The following ANKUB1 variants were observed in gnomAD, a reference collection of about 807,000 sequenced individuals.
ANKUB1 encodes ankyrin repeat and ubiquitin domain containing 1, also known as protein ANKUB1.
In ANKUB1, 42 loss-of-function variants were observed where a neutral mutation model predicts 49.3. The observed-to-expected ratio is 0.85, with a 90% CI of 0.67 to 1.10. ANKUB1 has a LOEUF of 1.10. Among genes scored for constraint, ANKUB1 ranks in the 50% least tolerant of loss-of-function variants. The pLI is 0.00. For synonymous variants in ANKUB1, 222 were observed against 231.0 expected (o/e 0.96, Z 0.35); for missense variants, 613 against 642.0 (o/e 0.95, Z 0.49).
chr3:149,770,070 T>C (rs1367767934), intron 4 of ANKUB1, among the ~76,000 whole-genome samples: 1 of 152,210 alleles, frequency 6.6e-6, no homozygotes, highest in Non-Finnish European at 1.5e-5. Context: ...ATCCACTTAA[T>C]GACTAGGAAA....
chr3:149,792,388 A>C lies in ANKUB1; in HGVS notation c.-22T>G, dbSNP rs1718399779. ...TCATTGTACAATTACCTTTTCAAAC[A>C]AAAAATATCCAACTTTTTCAAAGAT... is the stretch of plus-strand genomic sequence containing the variant. On this transcript the variant is annotated 5_prime_UTR_variant, in exon 1 of 6. Coordinates refer to ENST00000446160, the MANE Select transcript of ANKUB1 (RefSeq NM_001144960.3). 1 of 1,448,578 alleles carries C rather than the reference A, an allele frequency of 6.9e-7. No individual in the cohort carries two copies. The highest frequency in any genetic ancestry group is 2.8e-5 in the Admixed American group (1 of 35,800). 89.7% of individuals were successfully genotyped at this position (1,448,578 alleles called of 1,614,324 possible).
chr3:149,790,566 GAAGAGTA>G (rs1194855359), intron 2 of ANKUB1, among the ~76,000 whole-genome samples: 1 of 152,190 alleles, frequency 6.6e-6, no homozygotes, highest in Non-Finnish European at 1.5e-5. Flanking sequence ...GCAAGAGGAA[GAAGAGTA>G]AAGAGGGGGC....
At chr3:149,776,276 A>G (rs1178819523) in intron 3 of ANKUB1, among the ~76,000 whole-genome samples, 3 of 152,136 alleles carry the variant, frequency 2.0e-5, no homozygotes, top group South Asian at 2.1e-4. Flanking sequence ...ACAGCTTTCC[A>G]TGTCTCATTT....
chr3:149,769,002 A>G (rs1717201219), intron 4 of ANKUB1, among the ~76,000 whole-genome samples: 1 of 152,228 alleles, frequency 6.6e-6, no homozygotes, highest in South Asian at 2.1e-4. Flanking sequence ...AAAGTAACAA[A>G]GCAACACAGC....
chr3:149,765,546 ATG>A (rs143976276), intron 5 of ANKUB1, among the ~76,000 whole-genome samples: 5 of 149,398 alleles, frequency 3.3e-5, no homozygotes, highest in African/African-American at 1.3e-4. Flanking sequence ...ACACACACAC[ATG>A]CACACACACA....
intron 5 of ANKUB1, among the ~76,000 whole-genome samples, chr3:149,766,403 C>A (rs77568202): frequency 2.0e-5 from 3 of 152,104 alleles, no homozygotes; most frequent in Non-Finnish European, 4.4e-5. Flanking sequence ...TGTCTCCCTC[C>A]CATATTTCAG....
chr3:149,776,254 C>A (rs766653560), intron 3 of ANKUB1, among the ~76,000 whole-genome samples: 25 of 152,172 alleles, frequency 1.6e-4, no homozygotes, highest in Non-Finnish European at 3.4e-4. Context: ...TCCAGTTCTC[C>A]TCCTGACTCT....
chr3:149,790,974 G>A lies in ANKUB1; in HGVS notation c.91-50C>T, dbSNP rs780702928. 2.7e-6 allele frequency: 4 copies of A among 1,499,268 alleles called. No individual in the cohort carries two copies. In the Admixed American group the frequency reaches 8.7e-5, roughly 33 times the overall value. The allele number at this position is 1,499,268 out of a possible 1,614,324, so 92.9% of individuals were successfully genotyped here. A position where few individuals can be genotyped will look rare whatever the true frequency, so the allele number is the denominator to read the frequency against. Reference sequence around the variant, plus strand: ...AAAACAGTACATCCTTACGTTACTAGACCAGAAATGTACTCTCTTTCCCTT... The same window carrying A: ...AAAACAGTACATCCTTACGTTACTAAACCAGAAATGTACTCTCTTTCCCTT... On this transcript the variant is annotated intron_variant, in intron 1 of 5. Transcript: ENST00000446160.
At chr3:149,765,536 A>G (rs1220487379) in intron 5 of ANKUB1, among the ~76,000 whole-genome samples, 2 of 150,638 alleles carry the variant, frequency 1.3e-5, no homozygotes, top group East Asian at 3.9e-4. Flanking sequence ...CTAAAACCAC[A>G]CACACACACA....
chr3:149,790,248 G>T (rs925677857), intron 2 of ANKUB1, among the ~76,000 whole-genome samples: 2 of 152,060 alleles, frequency 1.3e-5, no homozygotes, highest in Admixed American at 6.5e-5. Flanking sequence ...GGTTCTTAAA[G>T]CCCAACCGTG....
intron 2 of ANKUB1, among the ~76,000 whole-genome samples, chr3:149,788,798 A>G (rs962854338): frequency 2.0e-5 from 3 of 151,952 alleles, no homozygotes; most frequent in Non-Finnish European, 4.4e-5. Context: ...TTTTTTTGAG[A>G]CAGAGTCTCA....
chr3:149,790,837 A>T lies in ANKUB1; in HGVS notation c.178T>A (p.Trp60Arg). The stretch of plus-strand genomic sequence containing the variant: ...GATATTCCAACATCAGCAAGACTCC[A>T]ACTGTCCTTTAGAGCAGCTCCAGCA... ...MYAGAALKDS[W>R]SLADVGISFC... The change falls in exon 2 of 6, where the codon TGG becomes AGG. Residue 60 changes from tryptophan to arginine, a missense_variant. By Grantham distance (101) the Trp-to-Arg change is moderately radical. Transcript: ENST00000446160. 1 of 1,552,176 alleles carries T rather than the reference A, an allele frequency of 6.4e-7. No individual in the cohort carries two copies. The highest frequency in any genetic ancestry group is 8.7e-7 in the Non-Finnish European group (1 of 1,147,066).
chr3:149,771,656 T>G (rs1576672086), intron 3 of ANKUB1, among the ~76,000 whole-genome samples: 1 of 152,342 alleles, frequency 6.6e-6, no homozygotes, highest in South Asian at 2.1e-4. Flanking sequence ...TGAAGATTTT[T>G]TTTTCATGCT....
At chr3:149,784,103 C>A (rs372933515) in intron 2 of ANKUB1, among the ~76,000 whole-genome samples, 3 of 152,188 alleles carry the variant, frequency 2.0e-5, no homozygotes, top group African/African-American at 7.2e-5. Context: ...ACAAACTTCT[C>A]TAACTTATCT....
In ANKUB1 at chr3:149,767,431, C is replaced by T; in HGVS notation, c.1231G>A (p.Val411Met). 1 of 1,551,660 alleles carries T rather than the reference C, an allele frequency of 6.4e-7. No individual in the cohort carries two copies. The highest frequency in any genetic ancestry group is 2.4e-5 in the East Asian group (1 of 40,922). Reference protein sequence around the residue: ...RKQALKFHPLVNASSFSELQK... With the variant: ...RKQALKFHPLMNASSFSELQK... ...AATTCAGAGAATGAACTTGCATTCA[C>T]CAGTGGATGAAATTTGAGGGCTTGT... Residue 411 changes from valine to methionine, a missense_variant, in exon 5 of 6, where the codon GTG (valine) becomes ATG (methionine). By Grantham distance (21) the Val-to-Met change is conservative. Transcript: ENST00000446160.
intron 2 of ANKUB1, 145 bp from the exon 3 acceptor site, chr3:149,780,600 G>A: frequency 1.6e-6 from 1 of 643,750 alleles, no homozygotes; most frequent in East Asian, 2.7e-5. Context: ...CTGCCTTCTG[G>A]TCTGAGTCTA....
chr3:149,780,548 C>T (rs558086689), intron 2 of ANKUB1, 93 bp from the exon 3 acceptor site: 25 of 881,282 alleles, frequency 2.8e-5, no homozygotes, highest in African/African-American at 1.7e-4. Flanking sequence ...TCTAGCTCCA[C>T]GACATGGGTG....
chr3:149,785,314 G>T (rs1718043116), intron 2 of ANKUB1, among the ~76,000 whole-genome samples: 2 of 152,112 alleles, frequency 1.3e-5, no homozygotes, highest in African/African-American at 4.8e-5. Context: ...ACAACGTGCA[G>T]GTTTGTTACA....
chr3:149,767,406 A>C lies in ANKUB1; in HGVS notation c.1256T>G (p.Leu419Ter). The C allele has an allele frequency of 6.4e-7, 1 of 1,551,668 alleles. No individual in the cohort carries two copies. Among genetic ancestry groups the C allele is most frequent in the Non-Finnish European group, 8.7e-7 (1 of 1,146,982 alleles). ...CTGATTTTGTTGTTGATGTTTTTGT[A>C]ATTCAGAGAATGAACTTGCATTCAC... ...PLVNASSFSE[L>*]QKHQQQNQKK... Residue 419 changes from leucine (L) to a stop codon, truncating the protein, a stop_gained, in exon 5 of 6, where the codon TTA (leucine) becomes TGA (stop). Coordinates refer to ENST00000446160, the MANE Select transcript of ANKUB1 (RefSeq NM_001144960.3). LOFTEE classifies it high-confidence loss of function.
Sources: allele counts gnomAD v4.1 joint callset (sites outside exome capture counted in the v4.1 genomes callset), GRCh38; gene constraint gnomAD v4.1.1; transcripts MANE v1.5; gene names NCBI Gene and HGNC (gene_info 2026-07-23, HGNC 2026-07-21).